SLC41A2: variants seen among roughly 807,000 people sequenced by gnomAD.
The protein encoded by SLC41A2 is solute carrier family 41 member 2.
SLC41A2 carries 32 observed loss-of-function variants against 58.3 expected under a neutral mutation model. The ratio of observed to expected loss-of-function variants is 0.55; its 90% CI spans 0.41 to 0.74. The LOEUF is 0.74. Among genes scored for constraint, SLC41A2 ranks in the 30% least tolerant of loss-of-function variants. The pLI is 0.00. For missense variants in SLC41A2, 514 were observed against 680.6 expected, an observed-to-expected ratio of 0.76 and a Z score of 2.72; for synonymous variants, 190 against 235.0, an observed-to-expected ratio of 0.81 and a Z score of 1.75.
At chr12:104,939,345 A>C (rs567481880) in intron 1 of SLC41A2, among the ~76,000 whole-genome samples, 6 of 152,194 alleles carry the variant, frequency 3.9e-5, no homozygotes, top group Non-Finnish European at 7.4e-5. Context: ...CTATAGGTGC[A>C]GGACACCACA....
chr12:104,954,890 C>T (rs1371328611), intron 1 of SLC41A2, among the ~76,000 whole-genome samples: 4 of 151,986 alleles, frequency 2.6e-5, no homozygotes, highest in African/African-American at 7.2e-5. Context: ...AGATTCTTTT[C>T]TTGACGAAAT....
At chr12:104,851,448 A>G (rs2042795162) in intron 8 of SLC41A2, among the ~76,000 whole-genome samples, 1 of 152,006 alleles carries the variant, frequency 6.6e-6, no homozygotes, top group Non-Finnish European at 1.5e-5. Context: ...CAGTTGCGTC[A>G]TTGTGGCTCA....
chr12:104,955,294 G>A (rs922471001), intron 1 of SLC41A2, among the ~76,000 whole-genome samples: 6 of 152,032 alleles, frequency 3.9e-5, no homozygotes, highest in Admixed American at 2.0e-4. Flanking sequence ...GGGATTACAA[G>A]CATGAACCAC....
In SLC41A2 at chr12:104,849,664, C is replaced by T. The variant is rs139300564; in HGVS notation, c.1256-3690G>A. On this transcript the variant is annotated intron_variant, in intron 8 of 10. Transcript: ENST00000258538. ...GCAATATAGTGAGACTTTGTCTCTA[C>T]TAAAAATAAAAAAATTAGCTGGGTG... Among the ~76,000 whole-genome samples, 746 of 152,072 alleles carry T rather than the reference C, an allele frequency of 4.9e-3. 3 individuals carry two copies. Among genetic ancestry groups the T allele is most frequent in the Non-Finnish European group, 7.7e-3 (525 of 67,976 alleles).
intron 10 of SLC41A2, among the ~76,000 whole-genome samples, chr12:104,824,402 C>T (rs1448017889): frequency 6.6e-6 from 1 of 152,182 alleles, no homozygotes; most frequent in Non-Finnish European, 1.5e-5. Context: ...GATGTGGAGT[C>T]TGGCTGGGGC....
intron 2 of SLC41A2, among the ~76,000 whole-genome samples, chr12:104,922,972 T>C (rs960906802): frequency 6.6e-6 from 1 of 151,996 alleles, no homozygotes; most frequent in Admixed American, 6.6e-5. Flanking sequence ...TTTAAAATTT[T>C]CTTGCAACAA....
chr12:104,817,451 A>C (rs913500545), intron 10 of SLC41A2, among the ~76,000 whole-genome samples: 23 of 152,140 alleles, frequency 1.5e-4, no homozygotes, highest in South Asian at 2.1e-4. Flanking sequence ...TTACTTTATA[A>C]ATTTTTTAAT....
At chr12:104,863,450 G>A (rs2043288549) in intron 7 of SLC41A2, among the ~76,000 whole-genome samples, 1 of 152,078 alleles carries the variant, frequency 6.6e-6, no homozygotes, top group Non-Finnish European at 1.5e-5. Flanking sequence ...AGAAAAAAAA[G>A]AGGTATATAA....
At chr12:104,823,152 G>T (rs1233345720) in intron 10 of SLC41A2, among the ~76,000 whole-genome samples, 1 of 152,170 alleles carries the variant, frequency 6.6e-6, no homozygotes, top group Non-Finnish European at 1.5e-5. Flanking sequence ...ATAAGGATTT[G>T]TAGATATAAT....
chr12:104,878,881 T>C (rs1293583952), intron 6 of SLC41A2, among the ~76,000 whole-genome samples: 2 of 152,212 alleles, frequency 1.3e-5, no homozygotes, highest in Non-Finnish European at 2.9e-5. Context: ...CCTTGAGGAA[T>C]CGCCACACTG....
intron 2 of SLC41A2, among the ~76,000 whole-genome samples, chr12:104,921,635 G>C (rs1037139644): frequency 9.9e-5 from 15 of 152,010 alleles, no homozygotes; most frequent in African/African-American, 3.6e-4. Context: ...TGACCTGAAA[G>C]AAAAACACAC....
intron 8 of SLC41A2, among the ~76,000 whole-genome samples, chr12:104,847,447 A>T (rs976799380): frequency 5.9e-5 from 9 of 151,872 alleles, no homozygotes; most frequent in African/African-American, 2.2e-4. Context: ...ACTAAAAAAA[A>T]TACAAAAACT....
At chr12:104,947,202 T>TC (rs2047756949) in intron 1 of SLC41A2, among the ~76,000 whole-genome samples, 1 of 133,290 alleles carries the variant, frequency 7.5e-6, no homozygotes, top group Non-Finnish European at 1.6e-5. Flanking sequence ...GTCCTTTTTT[T>TC]TTTTTTTTTT....
chr12:104,934,363 A>G (rs1366519440), intron 1 of SLC41A2, among the ~76,000 whole-genome samples: 2 of 152,240 alleles, frequency 1.3e-5, no homozygotes, highest in Non-Finnish European at 2.9e-5. Context: ...TTACTTCAGT[A>G]TAAGCTATTC....
intron 10 of SLC41A2, among the ~76,000 whole-genome samples, chr12:104,825,543 C>A (rs1185125933): frequency 6.6e-6 from 1 of 152,064 alleles, no homozygotes; most frequent in Non-Finnish European, 1.5e-5. Context: ...CTGTTTTTTC[C>A]TTTTCCATGT....
At chr12:104,888,326 C>G (rs948423127) in intron 5 of SLC41A2, among the ~76,000 whole-genome samples, 6 of 152,060 alleles carry the variant, frequency 3.9e-5, no homozygotes, top group Admixed American at 3.9e-4. Flanking sequence ...GTATGATCAC[C>G]TAACATGACA....
intron 8 of SLC41A2, among the ~76,000 whole-genome samples, chr12:104,854,124 T>C (rs1392291663): frequency 6.6e-6 from 1 of 151,816 alleles, no homozygotes; most frequent in Non-Finnish European, 1.5e-5. Flanking sequence ...ATCACTCATT[T>C]TATTTATAAA....
chr12:104,928,505 G>T lies in SLC41A2; in HGVS notation c.23C>A (p.Ser8Tyr). 6.6e-7 allele frequency: 1 copy of T among 1,518,036 alleles called. No homozygotes were observed. Among genetic ancestry groups the T allele is most frequent in the Non-Finnish European group, 8.8e-7 (1 of 1,132,042 alleles). The allele number at this position is 1,518,036 out of a possible 1,614,324, so 94.0% of individuals were successfully genotyped here. A position where few individuals can be genotyped will look rare whatever the true frequency, so the allele number is the denominator to read the frequency against. Residue 8 changes from serine (S) to tyrosine (Y), a missense_variant, in exon 2 of 11, where the codon TCT (serine) becomes TAT (tyrosine). Physicochemically the swap from Ser to Tyr is moderately radical, Grantham distance 144. Transcript: ENST00000258538. MTNSKGR[S>Y]ITDKTSGGPS... Reference sequence around the variant, plus strand: ...ACCACCACTTGTTTTATCGGTAATAGATCTTCCTTTACTATTAGTCATATT... The same window carrying T: ...ACCACCACTTGTTTTATCGGTAATATATCTTCCTTTACTATTAGTCATATT...
At chr12:104,838,883 T>G (rs1312439600) in intron 10 of SLC41A2, among the ~76,000 whole-genome samples, 1 of 152,240 alleles carries the variant, frequency 6.6e-6, no homozygotes, top group Non-Finnish European at 1.5e-5. Flanking sequence ...CCACAGTAGT[T>G]GGCACACTAT....
Sources: allele counts gnomAD v4.1 joint callset (sites outside exome capture counted in the v4.1 genomes callset), GRCh38; gene constraint gnomAD v4.1.1; transcripts MANE v1.5; gene names NCBI Gene and HGNC (gene_info 2026-07-23, HGNC 2026-07-21).